Variants in LSAMP observed in about 807,000 individuals in gnomAD.
The protein encoded by LSAMP is limbic system associated membrane protein.
A neutral mutation model predicts 38.6 loss-of-function variants in LSAMP; 7 were observed. The observed-to-expected ratio is 0.18, with a 90% CI of 0.10 to 0.34. The LOEUF (loss-of-function observed/expected upper bound fraction) is 0.34, where lower values mean the gene tolerates loss of function less well. Ranked by LOEUF, LSAMP falls within the 10% of genes least tolerant of loss-of-function variation. The probability of loss-of-function intolerance (pLI) is 1.00; values close to 1 mark genes in which losing one functional copy is unlikely to be tolerated. For missense variants in LSAMP, 313 were observed against 420.0 expected, an observed-to-expected ratio of 0.75 and a Z score of 2.23; for synonymous variants, 154 against 166.8, an observed-to-expected ratio of 0.92 and a Z score of 0.59.
intron 1 of LSAMP, among the ~76,000 whole-genome samples, chr3:116,217,555 A>T (rs565519246): frequency 3.9e-5 from 6 of 152,314 alleles, no homozygotes; most frequent in African/African-American, 1.4e-4. Flanking sequence ...GAGGCATTCT[A>T]CAGGCTTGTG....
intron 2 of LSAMP, among the ~76,000 whole-genome samples, chr3:116,033,951 C>A (rs1340623560): frequency 6.6e-6 from 1 of 152,058 alleles, no homozygotes; most frequent in African/African-American, 2.4e-5. Flanking sequence ...TTGTGGCCAG[C>A]AGGGATAGTA....
At chr3:116,023,367 G>C (rs1461446230) in intron 2 of LSAMP, among the ~76,000 whole-genome samples, 1 of 151,702 alleles carries the variant, frequency 6.6e-6, no homozygotes, top group South Asian at 2.1e-4. Flanking sequence ...GGCCGAGGCA[G>C]GTGGATCACA....
At chr3:116,208,747 T>A (rs1321713824) in intron 1 of LSAMP, among the ~76,000 whole-genome samples, 5 of 150,714 alleles carry the variant, frequency 3.3e-5, no homozygotes, top group Admixed American at 6.6e-5. Context: ...TTGAGGAGGC[T>A]GTCTGCTGTT....
At chr3:115,838,984 T>C (rs1934890911) in intron 6 of LSAMP, among the ~76,000 whole-genome samples, 1 of 152,156 alleles carries the variant, frequency 6.6e-6, no homozygotes, top group Non-Finnish European at 1.5e-5. Flanking sequence ...CTGCCTGTTC[T>C]TCTCTGGATT....
intron 3 of LSAMP, among the ~76,000 whole-genome samples, chr3:115,885,150 C>A (rs1936419586): frequency 6.6e-6 from 1 of 151,858 alleles, no homozygotes; most frequent in African/African-American, 2.4e-5. Context: ...TCAACAAGTA[C>A]TTAAATTTAA....
intron 1 of LSAMP, among the ~76,000 whole-genome samples, chr3:116,339,382 A>G (rs184908323): frequency 1.3e-3 from 194 of 152,072 alleles, no homozygotes; most frequent in African/African-American, 4.5e-3. Flanking sequence ...AGCCATAGTA[A>G]ATAAACCAAA....
chr3:115,954,253 G>A (rs1938384005), intron 3 of LSAMP, among the ~76,000 whole-genome samples: 2 of 152,126 alleles, frequency 1.3e-5, no homozygotes, highest in South Asian at 2.1e-4. Flanking sequence ...CAGCCAGCCT[G>A]GGAGCACAGT....
chr3:115,835,544 C>CT (rs1171540641), intron 6 of LSAMP, among the ~76,000 whole-genome samples: 23 of 152,156 alleles, frequency 1.5e-4, no homozygotes, highest in Admixed American at 1.5e-3. Flanking sequence ...TTAGCACACA[C>CT]TTTTCTATGT....
intron 1 of LSAMP, among the ~76,000 whole-genome samples, chr3:116,120,261 T>C (rs559107085): frequency 6.6e-6 from 1 of 152,040 alleles, no homozygotes; most frequent in Non-Finnish European, 1.5e-5. Flanking sequence ...GAAATGATGG[T>C]GGTGGTGGGA....
intron 3 of LSAMP, among the ~76,000 whole-genome samples, chr3:115,979,924 T>C (rs1010471803): frequency 7.2e-5 from 11 of 152,186 alleles, no homozygotes; most frequent in African/African-American, 2.7e-4. Context: ...TTATAATTTT[T>C]CTGCTTAAAG....
chr3:115,853,130 ACT>A lies in LSAMP; in HGVS notation c.515-515_515-514del, dbSNP rs142522968. 1.9e-3 allele frequency among the ~76,000 whole-genome samples: 282 copies of A among 152,270 alleles called. 1 individual carries two copies. The highest frequency in any genetic ancestry group is 6.6e-3 in the African/African-American group (274 of 41,544). ...CATCTATTACACCATGCTGCAAAGC[ACT>A]CTGTTTTTTGTTGTTGCAAAGCACT... is the stretch of plus-strand genomic sequence containing the variant. On this transcript the variant is annotated intron_variant, in intron 3 of 6. Transcript: ENST00000490035.
chr3:116,262,403 C>CACAA (rs2046836401), intron 1 of LSAMP, among the ~76,000 whole-genome samples: 1 of 152,164 alleles, frequency 6.6e-6, no homozygotes, highest in South Asian at 2.1e-4. Flanking sequence ...GGATATGTGA[C>CACAA]ACAAATGCTG....
intron 2 of LSAMP, among the ~76,000 whole-genome samples, chr3:116,084,761 G>GT (rs1030184121): frequency 1.3e-5 from 2 of 151,742 alleles, no homozygotes; most frequent in East Asian, 3.9e-4. Context: ...TAATCAATCA[G>GT]TTTTTTTCAA....
chr3:115,949,322 T>A (rs1461340757), intron 3 of LSAMP, among the ~76,000 whole-genome samples: 1 of 152,130 alleles, frequency 6.6e-6, no homozygotes, highest in Non-Finnish European at 1.5e-5. Context: ...TTTATTTGGA[T>A]CTTTTTTCTT....
intron 1 of LSAMP, among the ~76,000 whole-genome samples, chr3:116,442,775 T>C (rs1418621717): frequency 6.6e-6 from 1 of 152,202 alleles, no homozygotes; most frequent in Non-Finnish European, 1.5e-5. Flanking sequence ...GTTCTGTGTT[T>C]ATTTTTTCTC....
intron 3 of LSAMP, among the ~76,000 whole-genome samples, chr3:116,007,682 A>C (rs1156537881): frequency 6.6e-6 from 1 of 152,056 alleles, no homozygotes; most frequent in Non-Finnish European, 1.5e-5. Context: ...ACACACACAC[A>C]GTCACTGAAA....
At chr3:115,858,663 AACAT>A (rs1437383955) in intron 3 of LSAMP, among the ~76,000 whole-genome samples, 1 of 152,218 alleles carries the variant, frequency 6.6e-6, no homozygotes, top group Non-Finnish European at 1.5e-5. Flanking sequence ...TATAAACACA[AACAT>A]ACATACAGTT....
intron 1 of LSAMP, among the ~76,000 whole-genome samples, chr3:116,174,409 T>C (rs1710284510): frequency 6.6e-6 from 1 of 151,908 alleles, no homozygotes; most frequent in Admixed American, 6.6e-5. Context: ...AAGACTATTA[T>C]TCTCTCTTGA....
At chr3:116,436,486 T>C (rs1160304892) in intron 1 of LSAMP, among the ~76,000 whole-genome samples, 1 of 151,972 alleles carries the variant, frequency 6.6e-6, no homozygotes, top group Non-Finnish European at 1.5e-5. Context: ...TACAGTGACC[T>C]CAAACAAATC....
Sources: allele counts gnomAD v4.1 joint callset (sites outside exome capture counted in the v4.1 genomes callset), GRCh38; gene constraint gnomAD v4.1.1; transcripts MANE v1.5; gene names NCBI Gene and HGNC (gene_info 2026-07-23, HGNC 2026-07-21).